The following NKAIN2 variants were observed in gnomAD, a reference collection of about 807,000 sequenced individuals.
NKAIN2 encodes the protein sodium/potassium-transporting ATPase subunit beta-1-interacting protein 2.
A neutral mutation model predicts 32.6 loss-of-function variants in NKAIN2; 14 were observed. That is an observed-to-expected ratio of 0.43 (90% CI 0.28 to 0.67). The LOEUF is 0.67. NKAIN2 is among the 30% of genes least tolerant of loss of function. The pLI is 0.17. For synonymous variants in NKAIN2, 80 were observed against 87.2 expected, an observed-to-expected ratio of 0.92 and a Z score of 0.46; for missense variants, 198 against 258.3, an observed-to-expected ratio of 0.77 and a Z score of 1.60.
intron 3 of NKAIN2, among the ~76,000 whole-genome samples, chr6:124,523,762 C>T (rs2114803406): frequency 6.6e-6 from 1 of 152,218 alleles, no homozygotes; most frequent in South Asian, 2.1e-4. Context: ...AGGAACAATG[C>T]TCCTAAGGTT....
At chr6:124,089,631 A>G (rs1263558634) in intron 1 of NKAIN2, among the ~76,000 whole-genome samples, 1 of 151,792 alleles carries the variant, frequency 6.6e-6, no homozygotes, top group African/African-American at 2.4e-5. Context: ...TTGCAGGCAA[A>G]CTCTGCAAAG....
At chr6:124,288,605 C>CT (rs1382116521) in intron 2 of NKAIN2, among the ~76,000 whole-genome samples, 28 of 152,036 alleles carry the variant, frequency 1.8e-4, no homozygotes, top group Admixed American at 1.8e-3. Context: ...GCATGTTATT[C>CT]TTTTTCTATA....
intron 1 of NKAIN2, among the ~76,000 whole-genome samples, chr6:124,194,123 A>T (rs1374829084): frequency 6.6e-6 from 1 of 151,576 alleles, no homozygotes; most frequent in Non-Finnish European, 1.5e-5. Flanking sequence ...GGCCCAGAAA[A>T]AGCACCACAA....
chr6:124,452,389 A>G (rs1356137514), intron 3 of NKAIN2, among the ~76,000 whole-genome samples: 3 of 152,024 alleles, frequency 2.0e-5, no homozygotes, highest in South Asian at 2.1e-4. Context: ...CGGGGCAAGA[A>G]CACATTGAAA....
chr6:124,074,622 A>G (rs998181869), intron 1 of NKAIN2, among the ~76,000 whole-genome samples: 3 of 152,132 alleles, frequency 2.0e-5, no homozygotes, highest in African/African-American at 7.2e-5. Context: ...TCTGGTTCCA[A>G]CCATACTGAC....
At chr6:124,405,640 G>A (rs564952474) in intron 3 of NKAIN2, among the ~76,000 whole-genome samples, 62 of 150,692 alleles carry the variant, frequency 4.1e-4, no homozygotes, top group African/African-American at 1.2e-3. Flanking sequence ...TCTGCCTCCC[G>A]AAGAGCTGGA....
intron 1 of NKAIN2, among the ~76,000 whole-genome samples, chr6:124,130,837 A>G (rs1786436345): frequency 1.3e-5 from 2 of 152,198 alleles, no homozygotes; most frequent in South Asian, 4.1e-4. Context: ...CATGATGGAT[A>G]GAAAGTGGAT....
chr6:124,731,615 C>T (rs894444711), intron 4 of NKAIN2, among the ~76,000 whole-genome samples: 16 of 148,610 alleles, frequency 1.1e-4, no homozygotes, highest in East Asian at 4.1e-4. Context: ...TGCTAGATGA[C>T]GAGTTAGTGG....
At chr6:123,869,956 A>G (rs775276978) in intron 1 of NKAIN2, among the ~76,000 whole-genome samples, 1 of 152,160 alleles carries the variant, frequency 6.6e-6, no homozygotes, top group Admixed American at 6.5e-5. Flanking sequence ...TCTTTTTGTA[A>G]GTTGAAAATA....
intron 3 of NKAIN2, among the ~76,000 whole-genome samples, chr6:124,466,333 A>G (rs1175295300): frequency 6.6e-6 from 1 of 152,178 alleles, no homozygotes; most frequent in Non-Finnish European, 1.5e-5. Flanking sequence ...TGTAAAATGT[A>G]AGCTACTTTT....
intron 4 of NKAIN2, among the ~76,000 whole-genome samples, chr6:124,712,660 C>T (rs537343016): frequency 8.6e-5 from 13 of 151,684 alleles, no homozygotes; most frequent in African/African-American, 3.2e-4. Context: ...GAGGCAATGC[C>T]TGGCCCTGCT....
At chr6:124,562,904 CTTTT>C (rs34572745) in intron 3 of NKAIN2, among the ~76,000 whole-genome samples, 5 of 131,188 alleles carry the variant, frequency 3.8e-5, no homozygotes, top group Non-Finnish European at 4.9e-5. Context: ...TTTTTTGTTT[CTTTT>C]TTTTTTTTTT....
intron 1 of NKAIN2, among the ~76,000 whole-genome samples, chr6:124,101,060 A>G (rs1784865790): frequency 6.6e-6 from 1 of 152,202 alleles, no homozygotes; most frequent in African/African-American, 2.4e-5. Flanking sequence ...TGGATGCCAT[A>G]CAATTGTTCA....
intron 1 of NKAIN2, among the ~76,000 whole-genome samples, chr6:123,853,314 T>C (rs999728950): frequency 3.3e-5 from 5 of 152,216 alleles, no homozygotes; most frequent in African/African-American, 1.2e-4. Context: ...TAAAGTGCAA[T>C]GCATTTTCTA....
At chr6:124,441,803 C>T (rs1775700671) in intron 3 of NKAIN2, among the ~76,000 whole-genome samples, 2 of 152,058 alleles carry the variant, frequency 1.3e-5, no homozygotes, top group African/African-American at 4.8e-5. Context: ...AGAATTACTA[C>T]CCCTTCTAGG....
intron 3 of NKAIN2, among the ~76,000 whole-genome samples, chr6:124,486,490 G>A (rs1777654995): frequency 6.6e-6 from 1 of 152,108 alleles, no homozygotes; most frequent in Non-Finnish European, 1.5e-5. Flanking sequence ...TTGATAATGG[G>A]ACTTACCAGT....
At chr6:124,604,485 C>G (rs1782424461) in intron 3 of NKAIN2, among the ~76,000 whole-genome samples, 1 of 151,832 alleles carries the variant, frequency 6.6e-6, no homozygotes, top group Non-Finnish European at 1.5e-5. Context: ...CACATCTTTT[C>G]TATTCTCCTT....
intron 1 of NKAIN2, among the ~76,000 whole-genome samples, chr6:123,809,574 T>C (rs1479795893): frequency 1.3e-5 from 2 of 152,204 alleles, no homozygotes; most frequent in African/African-American, 4.8e-5. Context: ...TCATATTTTG[T>C]AATACTGCTG....
At chr6:124,471,535 T>A (rs1180295878) in intron 3 of NKAIN2, among the ~76,000 whole-genome samples, 1 of 152,158 alleles carries the variant, frequency 6.6e-6, no homozygotes, top group East Asian at 1.9e-4. Context: ...ATTGCACGCA[T>A]TCCATTTCAG....
Sources: allele counts gnomAD v4.1 joint callset (sites outside exome capture counted in the v4.1 genomes callset), GRCh38; gene constraint gnomAD v4.1.1; transcripts MANE v1.5; gene names NCBI Gene and HGNC (gene_info 2026-07-23, HGNC 2026-07-21).